Variants in NEGR1 observed in about 807,000 individuals in gnomAD.
The protein encoded by NEGR1 is IgLON family member 4.
NEGR1 carries 10 observed loss-of-function variants against 40.9 expected under a neutral mutation model. The observed-to-expected ratio is 0.24, with a 90% CI of 0.15 to 0.42. The LOEUF (loss-of-function observed/expected upper bound fraction) is 0.42, where lower values mean the gene tolerates loss of function less well. Among genes scored for constraint, NEGR1 ranks in the 10% least tolerant of loss-of-function variants. The pLI, the probability that NEGR1 is intolerant of heterozygous loss-of-function variation, is 1.00. For synonymous variants in NEGR1, 185 were observed against 166.8 expected, an observed-to-expected ratio of 1.11 and a Z score of -0.84; for missense variants, 352 against 438.9, an observed-to-expected ratio of 0.80 and a Z score of 1.77.
At chr1:71,571,606 A>G (rs1347359502) in intron 6 of NEGR1, among the ~76,000 whole-genome samples, 1 of 152,104 alleles carries the variant, frequency 6.6e-6, no homozygotes, top group East Asian at 1.9e-4. Context: ...CCTGGGCAAC[A>G]TGGCGAAACC....
At chr1:72,245,677 T>C (rs1654879968) in intron 1 of NEGR1, among the ~76,000 whole-genome samples, 2 of 152,278 alleles carry the variant, frequency 1.3e-5, no homozygotes, top group Admixed American at 1.3e-4. Flanking sequence ...ATTTTAAACA[T>C]AAGAGAAATG....
chr1:71,807,232 C>T (rs182641286), intron 2 of NEGR1, among the ~76,000 whole-genome samples: 5 of 152,120 alleles, frequency 3.3e-5, no homozygotes, highest in Admixed American at 3.3e-4. Flanking sequence ...CTGTATGGGA[C>T]ATTGTAAGAG....
At chr1:71,899,076 A>G (rs919258680) in intron 2 of NEGR1, among the ~76,000 whole-genome samples, 1 of 146,736 alleles carries the variant, frequency 6.8e-6, no homozygotes, top group Non-Finnish European at 1.5e-5. Context: ...TCCATGGAAA[A>G]GATTCTGGGA....
intron 2 of NEGR1, among the ~76,000 whole-genome samples, chr1:71,864,854 G>A (rs1162622001): frequency 6.6e-6 from 1 of 152,116 alleles, no homozygotes; most frequent in African/African-American, 2.4e-5. Context: ...CAATGCTGTA[G>A]ATGCACATGG....
intron 3 of NEGR1, among the ~76,000 whole-genome samples, chr1:71,715,074 C>G (rs1570249758): frequency 6.6e-6 from 1 of 152,186 alleles, no homozygotes; most frequent in African/African-American, 2.4e-5. Context: ...GGCAGAGGTT[C>G]CCAAACCTCG....
At chr1:71,483,004 G>A (rs539188550) in intron 6 of NEGR1, among the ~76,000 whole-genome samples, 1 of 151,746 alleles carries the variant, frequency 6.6e-6, no homozygotes, top group Admixed American at 6.6e-5. Context: ...AAGAGTGGTA[G>A]GTGGGATGCA....
intron 1 of NEGR1, among the ~76,000 whole-genome samples, chr1:72,159,244 G>C: frequency 6.6e-6 from 1 of 152,116 alleles, no homozygotes; most frequent in African/African-American, 2.4e-5. Context: ...AAGAGTCTTT[G>C]CAATAGTCTC....
At chr1:71,884,704 T>C (rs770591419) in intron 2 of NEGR1, among the ~76,000 whole-genome samples, 2 of 152,102 alleles carry the variant, frequency 1.3e-5, no homozygotes, top group Non-Finnish European at 2.9e-5. Flanking sequence ...ATCAAGTACA[T>C]GAAGAAAAGT....
intron 1 of NEGR1, among the ~76,000 whole-genome samples, chr1:72,032,772 A>T (rs895715887): frequency 4.0e-4 from 61 of 152,124 alleles, no homozygotes; most frequent in African/African-American, 1.5e-3. Context: ...AAACCTGACC[A>T]TATTGATTAG....
intron 3 of NEGR1, among the ~76,000 whole-genome samples, chr1:71,727,629 T>C (rs1275725543): frequency 6.6e-6 from 1 of 152,088 alleles, no homozygotes; most frequent in Admixed American, 6.6e-5. Context: ...GGTGCAAGCA[T>C]AACAGAAAAT....
At chr1:72,191,535 A>C (rs1652820599) in intron 1 of NEGR1, among the ~76,000 whole-genome samples, 1 of 151,842 alleles carries the variant, frequency 6.6e-6, no homozygotes. Context: ...ACTTCAGGAT[A>C]TGTTTCTTAT....
At chr1:71,868,474 AC>A (rs1427185509) in intron 2 of NEGR1, among the ~76,000 whole-genome samples, 6 of 48,946 alleles carry the variant, frequency 1.2e-4, no homozygotes, top group Non-Finnish European at 1.4e-4. Context: ...TAGACAGAAT[AC>A]ATACATACAT....
chr1:71,484,373 T>C (rs1056611994), intron 6 of NEGR1, among the ~76,000 whole-genome samples: 1 of 151,604 alleles, frequency 6.6e-6, no homozygotes, highest in Admixed American at 6.6e-5. Flanking sequence ...TATAAGAATC[T>C]CCATATGCAT....
chr1:72,069,867 T>C (rs1160517184), intron 1 of NEGR1, among the ~76,000 whole-genome samples: 1 of 152,164 alleles, frequency 6.6e-6, no homozygotes, highest in Non-Finnish European at 1.5e-5. Flanking sequence ...TCCTGTTTCT[T>C]GGCAGTTTTG....
At chr1:72,019,317 A>G (rs999766221) in intron 1 of NEGR1, among the ~76,000 whole-genome samples, 3 of 152,230 alleles carry the variant, frequency 2.0e-5, no homozygotes, top group African/African-American at 4.8e-5. Context: ...ATATGGACAC[A>G]GCATACAAGC....
At chr1:72,002,873 G>T (rs895045844) in intron 1 of NEGR1, among the ~76,000 whole-genome samples, 5 of 152,094 alleles carry the variant, frequency 3.3e-5, no homozygotes, top group Non-Finnish European at 7.4e-5. Context: ...GTAAAATGTT[G>T]CATGTTTCTA....
chr1:72,123,219 C>A (rs1649870855), intron 1 of NEGR1, among the ~76,000 whole-genome samples: 1 of 151,640 alleles, frequency 6.6e-6, no homozygotes, highest in Admixed American at 6.6e-5. Context: ...GGTTTAAAAA[C>A]CAAATTTGAC....
At chr1:71,853,575 A>G (rs1659675008) in intron 2 of NEGR1, among the ~76,000 whole-genome samples, 1 of 152,084 alleles carries the variant, frequency 6.6e-6, no homozygotes, top group Non-Finnish European at 1.5e-5. Flanking sequence ...CATTCAGAGT[A>G]GTTAAAAAAA....
chr1:71,575,782 C>CAAAACA (rs1191329239), intron 6 of NEGR1, among the ~76,000 whole-genome samples: 2 of 128,064 alleles, frequency 1.6e-5, no homozygotes, highest in East Asian at 4.1e-4. Context: ...GACTCCGGCT[C>CAAAACA]AAAACAAAAA....
Sources: allele counts gnomAD v4.1 joint callset (sites outside exome capture counted in the v4.1 genomes callset), GRCh38; gene constraint gnomAD v4.1.1; transcripts MANE v1.5; gene names NCBI Gene and HGNC (gene_info 2026-07-23, HGNC 2026-07-21).